Variants in EPHA4 observed in about 807,000 individuals in gnomAD.
The protein encoded by EPHA4 is ephrin type-A receptor 4.
In EPHA4, 19 loss-of-function variants were observed where a neutral mutation model predicts 108.3. That is an observed-to-expected ratio of 0.18 (90% confidence interval 0.12 to 0.26). The LOEUF is 0.26. Among genes scored for constraint, EPHA4 ranks in the 10% least tolerant of loss-of-function variants. The pLI, the probability that EPHA4 is intolerant of heterozygous loss-of-function variation, is 1.00. For missense variants in EPHA4, 917 were observed against 1,254.0 expected (o/e 0.73, Z 4.06); for synonymous variants, 449 against 455.5 (o/e 0.99, Z 0.18).
At chr2:221,566,902 G>A (rs370674822) in intron 2 of EPHA4, among the ~76,000 whole-genome samples, 1,642 of 34,868 alleles carry the variant, frequency 0.047, 158 homozygotes, top group African/African-American at 0.065. Flanking sequence ...GAAGGAGAAG[G>A]AGAAGGAGAA....
At position 221,465,522 on chromosome 2, in the gene EPHA4, G is replaced by A. The variant is rs78153053; in HGVS notation, c.1319-7532C>T. Among the ~76,000 whole-genome samples the A allele has an allele frequency of 3.1e-3, 473 of 152,296 alleles. 3 individuals are homozygous for A. The highest frequency in any genetic ancestry group is 0.011 in the African/African-American group (460 of 41,570). Reference sequence around the variant, plus strand: ...CTCTTTGGCTAAGGCATCCAAAACTGTGAGATCCCTTCCCTTCTAGATAGA... The same window carrying A: ...CTCTTTGGCTAAGGCATCCAAAACTATGAGATCCCTTCCCTTCTAGATAGA... On this transcript the variant is annotated intron_variant, in intron 5 of 17. Transcript: ENST00000281821.
chr2:221,464,574 C>T (rs188352156), intron 5 of EPHA4, among the ~76,000 whole-genome samples: 25 of 152,270 alleles, frequency 1.6e-4, no homozygotes, highest in East Asian at 3.9e-4. Context: ...AATATTTATA[C>T]GTCCTTTTTC....
At chr2:221,456,345 TCTAGAAG>T (rs1212354749) in intron 7 of EPHA4, among the ~76,000 whole-genome samples, 1 of 152,170 alleles carries the variant, frequency 6.6e-6, no homozygotes, top group Admixed American at 6.5e-5. Context: ...TTTCATGCTT[TCTAGAAG>T]GCTCAAAACA....
intron 10 of EPHA4, 54 bp from the exon 11 acceptor site, chr2:221,443,068 G>C: frequency 6.5e-7 from 1 of 1,544,782 alleles, no homozygotes; most frequent in Non-Finnish European, 8.9e-7. Context: ...CAAGATGAAA[G>C]AATAACAGCT....
At chr2:221,432,454 C>T (rs1004659458) in intron 14 of EPHA4, among the ~76,000 whole-genome samples, 3 of 152,182 alleles carry the variant, frequency 2.0e-5, no homozygotes, top group Non-Finnish European at 4.4e-5. Context: ...CTATTCCCCT[C>T]CATAGTCTTC....
intron 11 of EPHA4, among the ~76,000 whole-genome samples, chr2:221,441,511 T>A (rs1011545282): frequency 2.0e-5 from 3 of 151,946 alleles, no homozygotes; most frequent in Admixed American, 2.0e-4. Flanking sequence ...ACATTCACCA[T>A]CCTTCAAGTC....
At position 221,437,053 on chromosome 2, in the gene EPHA4, T is replaced by A; in HGVS notation, c.2136+8A>T. 1 of 1,600,190 alleles carries A rather than the reference T, an allele frequency of 6.2e-7. No homozygotes were observed. The highest frequency in any genetic ancestry group is 1.1e-5 in the South Asian group (1 of 90,802). Reference sequence around the variant, plus strand: ...CATTCTTGGGTTTAATATAAAGTAGTCACATACCCTGAGGAATGCATCCAA... The same window carrying A: ...CATTCTTGGGTTTAATATAAAGTAGACACATACCCTGAGGAATGCATCCAA... On this transcript the variant is annotated splice_region_variant and intron_variant, in intron 12 of 17. Transcript: ENST00000281821.
intron 4 of EPHA4, 67 bp from the exon 5 acceptor site, chr2:221,482,757 G>T: frequency 7.0e-7 from 1 of 1,426,226 alleles, no homozygotes; most frequent in Non-Finnish European, 9.4e-7. Flanking sequence ...CTCAGAGTTT[G>T]TATTATTTTC....
intron 9 of EPHA4, among the ~76,000 whole-genome samples, chr2:221,445,184 G>A (rs1690554162): frequency 6.6e-6 from 1 of 152,132 alleles, no homozygotes; most frequent in African/African-American, 2.4e-5. Context: ...GTATTCAATA[G>A]CTTGTGTGGC....
intron 3 of EPHA4, among the ~76,000 whole-genome samples, chr2:221,541,638 C>T (rs781586820): frequency 8.5e-5 from 13 of 152,142 alleles, no homozygotes; most frequent in Non-Finnish European, 1.6e-4. Flanking sequence ...AACAGAAATG[C>T]AATCTAAAAC....
At chr2:221,499,715 AATATATATATATATATATATAT>A (rs369326575) in intron 4 of EPHA4, among the ~76,000 whole-genome samples, 29 of 48,452 alleles carry the variant, frequency 6.0e-4, no homozygotes, top group African/African-American at 1.4e-3. Context: ...AACTAAAACT[AATATATATATATATATATATAT>A]ATATATATAT....
At chr2:221,536,758 G>T (rs1693683826) in intron 3 of EPHA4, among the ~76,000 whole-genome samples, 1 of 152,212 alleles carries the variant, frequency 6.6e-6, no homozygotes, top group South Asian at 2.1e-4. Context: ...AAGGGTGAAG[G>T]CTTGGTCAGT....
At chr2:221,520,555 G>A (rs1693135203) in intron 3 of EPHA4, among the ~76,000 whole-genome samples, 1 of 151,666 alleles carries the variant, frequency 6.6e-6, no homozygotes, top group African/African-American at 2.4e-5. Context: ...GAGAGAGAGA[G>A]AGAGAGCAAG....
chr2:221,525,187 C>G (rs1693285513), intron 3 of EPHA4, among the ~76,000 whole-genome samples: 1 of 152,146 alleles, frequency 6.6e-6, no homozygotes, highest in African/African-American at 2.4e-5. Context: ...GGCCTCAGGA[C>G]AGAGCAGCTG....
At chr2:221,532,250 G>T (rs1327079750) in intron 3 of EPHA4, among the ~76,000 whole-genome samples, 3 of 151,994 alleles carry the variant, frequency 2.0e-5, no homozygotes, top group Non-Finnish European at 4.4e-5. Context: ...AGCCTCCAGA[G>T]TAGCTGGGAT....
At chr2:221,498,618 G>GC (rs1214873767) in intron 4 of EPHA4, among the ~76,000 whole-genome samples, 42 of 145,964 alleles carry the variant, frequency 2.9e-4, no homozygotes. Context: ...TTCTGTTTTC[G>GC]TTTTTTTTTT....
chr2:221,435,862 T>G (rs1690215365), intron 13 of EPHA4, among the ~76,000 whole-genome samples: 2 of 151,868 alleles, frequency 1.3e-5, no homozygotes, highest in African/African-American at 4.8e-5. Context: ...ACTAGAAACA[T>G]TGCTTTGTCT....
rs115711514 is a variant in EPHA4 at position 221,521,508 on chromosome 2, G to A, written c.824-20336C>T. Among the ~76,000 whole-genome samples the A allele has an allele frequency of 8.2e-3, 1,247 of 152,258 alleles. 12 individuals are homozygous for A. Among genetic ancestry groups the A allele is most frequent in the East Asian group, 0.024 (124 of 5,180 alleles). On this transcript the variant is annotated intron_variant, in intron 3 of 17. Coordinates refer to ENST00000281821, the MANE Select transcript of EPHA4 (RefSeq NM_004438.5). The stretch of plus-strand genomic sequence containing the variant: ...AGTTGAGATGTTCAGGAAGCAATTG[G>A]AGAGACAGGTCTGGAGGTCAGCACT...
intron 16 of EPHA4, 74 bp downstream of exon 16, chr2:221,426,390 G>T: frequency 6.7e-7 from 1 of 1,497,346 alleles, no homozygotes; most frequent in Admixed American, 2.3e-5. Flanking sequence ...GGATGATTAC[G>T]CAGCTCAAAG....
Sources: gnomAD v4.1 joint callset for allele counts (sites outside exome capture counted in the v4.1 genomes callset) on GRCh38, gnomAD v4.1.1 for gene constraint, MANE v1.5 for transcripts, NCBI Gene and HGNC (gene_info 2026-07-23, HGNC 2026-07-21) for gene names.